Variants in EFHC1 observed in about 807,000 individuals in gnomAD.
EFHC1 encodes the protein EF-hand domain containing 1, also known as EF-hand domain-containing protein 1.
In EFHC1, 53 loss-of-function variants were observed where a neutral mutation model predicts 69.9. That is an observed-to-expected ratio of 0.76 (90% CI 0.61 to 0.95). The LOEUF is 0.95. Among genes scored for constraint, EFHC1 ranks in the 40% least tolerant of loss-of-function variants. EFHC1 has a pLI of 0.00. For missense variants in EFHC1, 739 were observed against 798.7 expected, an observed-to-expected ratio of 0.93 and a Z score of 0.90; for synonymous variants, 256 against 278.4, an observed-to-expected ratio of 0.92 and a Z score of 0.80.
chr6:52,438,360 G>A lies in EFHC1; in HGVS notation c.342G>A (p.Gln114=), dbSNP rs1408420976. ...ATGTTCCTATGTCAACTGAGGAACA[G>A]TATAGGATCCGTCAGGTGAACATTT... is the stretch of plus-strand genomic sequence containing the variant. ...QEDVPMSTEE[Q]YRIRQVNIYY... The change falls in exon 3 of 11, where the codon CAG becomes CAA. Residue 114 remains glutamine (Q), a synonymous_variant. Coordinates refer to ENST00000371068, the MANE Select transcript of EFHC1 (RefSeq NM_018100.4). 6.2e-7 allele frequency: 1 copy of A among 1,613,830 alleles called. No homozygotes were observed. Among genetic ancestry groups the A allele is most frequent in the Non-Finnish European group, 8.5e-7 (1 of 1,179,882 alleles).
chr6:52,453,023 C>T, intron 4 of EFHC1, 186 bp downstream of exon 4: 1 of 1,532,740 alleles, frequency 6.5e-7, no homozygotes, highest in Non-Finnish European at 8.7e-7. Flanking sequence ...GCCTACATTT[C>T]ATATGGAGAT....
At chr6:52,423,427 G>A (rs1322915749) in intron 1 of EFHC1, among the ~76,000 whole-genome samples, 1 of 152,122 alleles carries the variant, frequency 6.6e-6, no homozygotes, top group East Asian at 1.9e-4. Context: ...TTTAAGCTTA[G>A]GTGGCTACTT....
intron 3 of EFHC1, among the ~76,000 whole-genome samples, chr6:52,444,090 G>T (rs1029067059): frequency 3.9e-5 from 6 of 152,134 alleles, no homozygotes; most frequent in Non-Finnish European, 8.8e-5. Flanking sequence ...CTCTCTGTTT[G>T]TCTGTTATTG....
chr6:52,493,367 T>C lies in EFHC1; in HGVS notation c.*1026T>C, dbSNP rs749096403. The C allele has an allele frequency of 1.0e-3, 161 of 159,702 alleles. 4 individuals carry two copies. The South Asian group carries it at 0.011, about 11-fold the overall frequency. 9.9% of individuals were successfully genotyped at this position (159,702 alleles called of 1,614,324 possible). On this transcript the variant is annotated 3_prime_UTR_variant, in exon 11 of 11. Transcript: ENST00000371068. ...AACTCTCTCTTTCTCTCTCTCTACATATATATATATATATATATTTTATAT... is the reference window on the plus strand; with the variant it reads ...AACTCTCTCTTTCTCTCTCTCTACACATATATATATATATATATTTTATAT...
chr6:52,478,960 C>T, intron 7 of EFHC1, 77 bp from the exon 8 acceptor site: 1 of 1,338,274 alleles, frequency 7.5e-7, no homozygotes, highest in South Asian at 1.2e-5. Context: ...CTATACCTGG[C>T]CCCTATAGGC....
At position 52,495,597 on chromosome 6, in the gene EFHC1, T is replaced by C; in HGVS notation, c.*3256T>C. On this transcript the variant is annotated 3_prime_UTR_variant, in exon 11 of 11. Coordinates refer to ENST00000371068, the MANE Select transcript of EFHC1 (RefSeq NM_018100.4). ...TTGGCTGTTTTGTTTTGTTTTTGTG[T>C]TTGTTTTTTAGAGACAGGGTCTTAC... 1 of 454,002 alleles carries C rather than the reference T, an allele frequency of 2.2e-6. No homozygotes were observed. Among genetic ancestry groups the C allele is most frequent in the Non-Finnish European group, 4.4e-6 (1 of 226,736 alleles). 28.1% of individuals were successfully genotyped at this position (454,002 alleles called of 1,614,324 possible).
intron 2 of EFHC1, among the ~76,000 whole-genome samples, chr6:52,435,510 A>T (rs888901662): frequency 2.0e-5 from 3 of 152,156 alleles, no homozygotes; most frequent in Non-Finnish European, 4.4e-5. Context: ...TTACATTTCT[A>T]TGAGATCACC....
chr6:52,492,308 C>T lies in EFHC1; in HGVS notation c.1890C>T (p.Asn630=). 1 of 1,614,046 alleles carries T rather than the reference C, an allele frequency of 6.2e-7. No individual in the cohort carries two copies. Among genetic ancestry groups the T allele is most frequent in the Non-Finnish European group, 8.5e-7 (1 of 1,179,962 alleles). ...GCTCTCATGGAGAAGGCAAAATTAA[C>T]TACTATAACTTTGTTCGTGCTTTCT... ...RMCSHGEGKI[N]YYNFVRAFSN The change falls in exon 11 of 11, where the codon AAC becomes AAT. Residue 630 remains asparagine, a synonymous_variant. Transcript: ENST00000371068.
intron 5 of EFHC1, among the ~76,000 whole-genome samples, chr6:52,457,503 G>A (rs1290262626): frequency 6.6e-6 from 1 of 152,200 alleles, no homozygotes; most frequent in Non-Finnish European, 1.5e-5. Flanking sequence ...AATTATGGGA[G>A]TAACTTTCAG....
At chr6:52,426,320 A>C (rs935495470) in intron 2 of EFHC1, among the ~76,000 whole-genome samples, 4 of 152,114 alleles carry the variant, frequency 2.6e-5, no homozygotes, top group African/African-American at 9.7e-5. Flanking sequence ...ATGCCATCTG[A>C]CACTGTTGAC....
intron 10 of EFHC1, among the ~76,000 whole-genome samples, chr6:52,492,062 C>A (rs1354481268): frequency 6.6e-6 from 1 of 152,068 alleles, no homozygotes; most frequent in African/African-American, 2.4e-5. Flanking sequence ...TTTACTCCAT[C>A]CAGCTTTGGT....
intron 6 of EFHC1, among the ~76,000 whole-genome samples, chr6:52,467,737 T>G (rs940429533): frequency 6.6e-6 from 1 of 152,228 alleles, no homozygotes; most frequent in Admixed American, 6.5e-5. Flanking sequence ...TTAATTATAG[T>G]GTTTGGTCAG....
At chr6:52,484,434 A>T (rs1011194831) in intron 9 of EFHC1, 1 of 152,236 alleles carries the variant, frequency 6.6e-6, no homozygotes, top group African/African-American at 2.4e-5. Context: ...TTACAAACAA[A>T]AAAAATTTAG....
chr6:52,453,289 C>T, intron 4 of EFHC1: 8 of 1,287,410 alleles, frequency 6.2e-6, no homozygotes, highest in Non-Finnish European at 8.1e-6. Flanking sequence ...CAGATGCTTC[C>T]TTGTTAAATG....
chr6:52,491,312 G>A (rs1210797058), intron 10 of EFHC1, among the ~76,000 whole-genome samples: 1 of 152,226 alleles, frequency 6.6e-6, no homozygotes, highest in East Asian at 1.9e-4. Flanking sequence ...TCATTGGCAA[G>A]TGGAGCAGGG....
intron 6 of EFHC1, among the ~76,000 whole-genome samples, chr6:52,467,141 A>G (rs9395795): frequency 0.63 from 95,941 of 151,260 alleles, 31,497 homozygotes; most frequent in East Asian, 0.87. Context: ...GTGAGAGATT[A>G]CAACATAGTG....
At chr6:52,480,626 G>A (rs979462817) in intron 9 of EFHC1, among the ~76,000 whole-genome samples, 1 of 152,210 alleles carries the variant, frequency 6.6e-6, no homozygotes, top group Non-Finnish European at 1.5e-5. Flanking sequence ...GCAGTAGGTT[G>A]TGAAGGTAGG....
chr6:52,438,191 A>T, intron 2 of EFHC1, 113 bp from the exon 3 acceptor site: 1 of 990,550 alleles, frequency 1.0e-6, no homozygotes, highest in Non-Finnish European at 1.5e-6. Flanking sequence ...GATAGAAGTG[A>T]TGAGTGTTAA....
In EFHC1 at chr6:52,495,073, A is replaced by T; in HGVS notation, c.*2732A>T. 1 of 453,978 alleles carries T rather than the reference A, an allele frequency of 2.2e-6. No individual in the cohort carries two copies. Among genetic ancestry groups the T allele is most frequent in the South Asian group, 1.6e-5 (1 of 64,456 alleles). 28.1% of individuals were successfully genotyped at this position (453,978 alleles called of 1,614,324 possible). On this transcript the variant is annotated 3_prime_UTR_variant, in exon 11 of 11. Coordinates refer to ENST00000371068, the MANE Select transcript of EFHC1 (RefSeq NM_018100.4). Reference sequence around the variant, plus strand: ...ATGGACGGGACCCAGTCTGTACCTGATCACCCCGGCTCTAATGGTATGGTC... The same window carrying T: ...ATGGACGGGACCCAGTCTGTACCTGTTCACCCCGGCTCTAATGGTATGGTC...
Sources: allele counts gnomAD v4.1 joint callset (sites outside exome capture counted in the v4.1 genomes callset), GRCh38; gene constraint gnomAD v4.1.1; transcripts MANE v1.5; gene names NCBI Gene and HGNC (gene_info 2026-07-23, HGNC 2026-07-21).